The following LCP1 variants were observed in gnomAD, a reference collection of about 807,000 sequenced individuals.
The protein encoded by LCP1 is lymphocyte cytosolic protein 1.
In LCP1, 23 loss-of-function variants were observed where a neutral mutation model predicts 72.0. The ratio of observed to expected loss-of-function variants is 0.32; its 90% CI spans 0.23 to 0.45. The LOEUF is 0.45. Ranked by LOEUF, LCP1 falls within the 20% of genes least tolerant of loss-of-function variation. The pLI is 1.00. For synonymous variants in LCP1, 245 were observed against 275.4 expected, an observed-to-expected ratio of 0.89 and a Z score of 1.09; for missense variants, 571 against 748.3, an observed-to-expected ratio of 0.76 and a Z score of 2.76.
At chr13:46,153,488 G>C (rs1021894067) in intron 6 of LCP1, among the ~76,000 whole-genome samples, 1 of 152,068 alleles carries the variant, frequency 6.6e-6, no homozygotes, top group South Asian at 2.1e-4. Flanking sequence ...ATCACCTAAG[G>C]TCAGGAGTTT....
intron 13 of LCP1, among the ~76,000 whole-genome samples, chr13:46,142,055 G>C (rs1293603133): frequency 6.6e-6 from 1 of 150,848 alleles, no homozygotes; most frequent in Non-Finnish European, 1.5e-5. Context: ...GAGTAAATTA[G>C]AATGAAACAA....
At chr13:46,132,871 G>T (rs375400198) in intron 14 of LCP1, among the ~76,000 whole-genome samples, 1 of 151,978 alleles carries the variant, frequency 6.6e-6, no homozygotes, top group Non-Finnish European at 1.5e-5. Context: ...ATTTTTTCTT[G>T]ATTTTGAAAC....
chr13:46,144,356 G>A (rs2138236857), intron 11 of LCP1, 86 bp downstream of exon 11: 1 of 1,015,508 alleles, frequency 9.8e-7, no homozygotes, highest in Non-Finnish European at 1.5e-6. Flanking sequence ...TTTGTGAAGA[G>A]AATGCACATC....
At chr13:46,165,986 T>C (rs2138273796) in intron 1 of LCP1, among the ~76,000 whole-genome samples, 1 of 152,262 alleles carries the variant, frequency 6.6e-6, no homozygotes, top group South Asian at 2.1e-4. Flanking sequence ...CACCTCAAAC[T>C]GCAAAAGCCA....
intron 15 of LCP1, among the ~76,000 whole-genome samples, chr13:46,129,230 C>T (rs2045619629): frequency 1.3e-5 from 2 of 152,222 alleles, no homozygotes; most frequent in East Asian, 1.9e-4. Flanking sequence ...TTTTGTATCT[C>T]GCCCTCACAG....
chr13:46,171,935 G>A (rs1444684538), intron 1 of LCP1, among the ~76,000 whole-genome samples: 3 of 152,252 alleles, frequency 2.0e-5, no homozygotes, highest in East Asian at 3.8e-4. Flanking sequence ...AACTCAGGGC[G>A]ACCAAGGGCC....
chr13:46,146,853 T>C (rs1566437902), intron 10 of LCP1, 55 bp downstream of exon 10: 1 of 1,555,200 alleles, frequency 6.4e-7, no homozygotes, highest in East Asian at 2.2e-5. Flanking sequence ...TGAATTGCCA[T>C]TGAATTAGAA....
chr13:46,165,415 G>A (rs192326288), intron 1 of LCP1, among the ~76,000 whole-genome samples: 83 of 151,960 alleles, frequency 5.5e-4, no homozygotes, highest in Non-Finnish European at 1.1e-3. Context: ...TTTAATTCAC[G>A]CATATTTGAA....
intron 1 of LCP1, among the ~76,000 whole-genome samples, chr13:46,174,575 G>A (rs2045919184): frequency 1.3e-5 from 2 of 152,168 alleles, no homozygotes; most frequent in African/African-American, 4.8e-5. Context: ...CGGGTGCAGT[G>A]ACTCACACTT....
At position 46,154,036 on chromosome 13, in the gene LCP1, T is replaced by C. The variant is rs73189825; in HGVS notation, c.573+769A>G. Among the ~76,000 whole-genome samples, 1,469 of 152,322 alleles carry C rather than the reference T, an allele frequency of 9.6e-3. 14 individuals carry two copies. The highest frequency in any genetic ancestry group is 0.034 in the Middle Eastern group (10 of 294). On this transcript the variant is annotated intron_variant, in intron 6 of 15. Coordinates refer to ENST00000323076, the MANE Select transcript of LCP1 (RefSeq NM_002298.5). ...AAACAAAGCAAAGGCCGCCAGTGAA[T>C]TAGGAAAAGAACTATCAGAAGAAAA...
intron 2 of LCP1, 111 bp from the exon 3 acceptor site, chr13:46,159,100 A>G (rs11841954): frequency 0.24 from 230,350 of 941,012 alleles, 31,438 homozygotes; most frequent in African/African-American, 0.5. Flanking sequence ...TATCATTCAG[A>G]CATTAAGGCA....
In LCP1 at chr13:46,130,830, T is replaced by C; in HGVS notation, c.1735A>G (p.Lys579Glu). ...LKTENLNDDEKLNNAKYAISM... is the reference protein window; with the variant it reads ...LKTENLNDDEELNNAKYAISM... Reference sequence around the variant, plus strand: ...TTTACGTACTTTGCATTGTTGAGTTTCTCATCATCATTCAGATTTTCTGTC... The same window carrying C: ...TTTACGTACTTTGCATTGTTGAGTTCCTCATCATCATTCAGATTTTCTGTC... The change falls in exon 15 of 16, where the codon AAA becomes GAA. Residue 579 changes from lysine to glutamate, a missense_variant. Lys to Glu is a moderately conservative substitution (Grantham distance 56). Transcript: ENST00000323076. The C allele has an allele frequency of 6.2e-7, 1 of 1,612,746 alleles. No homozygotes were observed. The highest frequency in any genetic ancestry group is 8.5e-7 in the Non-Finnish European group (1 of 1,179,618).
At chr13:46,170,585 C>A (rs1024917351) in intron 1 of LCP1, among the ~76,000 whole-genome samples, 1 of 151,996 alleles carries the variant, frequency 6.6e-6, no homozygotes, top group African/African-American at 2.4e-5. Flanking sequence ...TGCACATATG[C>A]GGTGTACCAA....
chr13:46,175,744 C>G (rs1184497617), intron 1 of LCP1, among the ~76,000 whole-genome samples: 2 of 152,100 alleles, frequency 1.3e-5, no homozygotes. Flanking sequence ...AAGGTGCCTA[C>G]CATATTCCAT....
rs9562639 is a variant in LCP1 at position 46,171,239 on chromosome 13, G to A, written c.-25+10872C>T. Among the ~76,000 whole-genome samples, 9 of 152,258 alleles carry A rather than the reference G, an allele frequency of 5.9e-5. No individual in the cohort carries two copies. The East Asian group carries it at 1.5e-3, about 26-fold the overall frequency. ...ACTGAGGTTTAAATAGCTGGCCCAG[G>A]GTCGCACAGCTATAAACTGGAGTGG... is the stretch of plus-strand genomic sequence containing the variant. On this transcript the variant is annotated intron_variant, in intron 1 of 15. Transcript: ENST00000323076.
intron 1 of LCP1, among the ~76,000 whole-genome samples, chr13:46,174,854 A>G (rs1033548745): frequency 3.9e-5 from 6 of 151,906 alleles, no homozygotes; most frequent in African/African-American, 1.2e-4. Context: ...AAAAAAAAGA[A>G]AAAAGAAAGA....
intron 1 of LCP1, among the ~76,000 whole-genome samples, chr13:46,162,435 G>T (rs532121258): frequency 1.3e-5 from 2 of 151,918 alleles, no homozygotes; most frequent in African/African-American, 4.8e-5. Flanking sequence ...AAGTGCCTGC[G>T]ATTGCAGGCG....
intron 7 of LCP1, 80 bp from the exon 8 acceptor site, chr13:46,151,158 C>G (rs1566439451): frequency 7.0e-7 from 1 of 1,433,026 alleles, no homozygotes; most frequent in Admixed American, 2.3e-5. Context: ...TCATTAAGCT[C>G]TGCTAAAAAG....
chr13:46,155,633 C>A (rs543757714), intron 5 of LCP1, among the ~76,000 whole-genome samples: 1 of 152,208 alleles, frequency 6.6e-6, no homozygotes, highest in Non-Finnish European at 1.5e-5. Flanking sequence ...ATATTGAGCA[C>A]CTCAAGTCAC....
Sources: gnomAD v4.1 joint callset for allele counts (sites outside exome capture counted in the v4.1 genomes callset) on GRCh38, gnomAD v4.1.1 for gene constraint, MANE v1.5 for transcripts, NCBI Gene and HGNC (gene_info 2026-07-23, HGNC 2026-07-21) for gene names.